The following PXN variants were observed in gnomAD, a reference collection of about 807,000 sequenced individuals.
The protein encoded by PXN is paxillin.
In PXN, 61 loss-of-function variants were observed where a neutral mutation model predicts 103.6. That is an observed-to-expected ratio of 0.59 (90% CI 0.48 to 0.73). PXN has a LOEUF of 0.73. Among genes scored for constraint, PXN ranks in the 30% least tolerant of loss-of-function variants. The pLI, the probability that PXN is intolerant of heterozygous loss-of-function variation, is 0.00. For missense variants in PXN, 1,274 were observed against 1,460.3 expected (o/e 0.87, Z 2.08); for synonymous variants, 562 against 607.8 (o/e 0.92, Z 1.11).
In PXN at chr12:120,215,903, T is replaced by G. The variant is rs1594350780; in HGVS notation, c.2302-242A>C. ...AGGCAGAGGAAATGGCAAGGGGAGG[T>G]GGCCGGGCTCAGTGATGAGGCCTCA... On this transcript the variant is annotated intron_variant, in intron 9 of 14. Coordinates refer to ENST00000637617, the MANE Select transcript of PXN (RefSeq NM_001385981.1). The surrounding 1 kb of genome is among the most constrained non-coding windows in gnomAD (Gnocchi z 4.9). The G allele has an allele frequency of 7.3e-7, 1 of 1,379,274 alleles. No homozygotes were observed. The highest frequency in any genetic ancestry group is 2.4e-4 in the Middle Eastern group (1 of 4,200). The allele number at this position is 1,379,274 out of a possible 1,614,324, so 85.4% of individuals were successfully genotyped here. A position where few individuals can be genotyped will look rare whatever the true frequency, so the allele number is the denominator to read the frequency against.
At chr12:120,230,182 C>CG (rs1887718808) in intron 1 of PXN, among the ~76,000 whole-genome samples, 1 of 152,234 alleles carries the variant, frequency 6.6e-6, no homozygotes, top group African/African-American at 2.4e-5. Flanking sequence ...GAAGGAGCAG[C>CG]AAGCACCGCC....
Position 120,219,512 on chromosome 12 carries a change from G to A in PXN, c.1411C>T (p.Arg471Trp), listed in dbSNP as rs746449786. ...CAGGTATCTGGGAAGATGGCCTGCC[G>A]GTCCACTGCCACTACAGCTGGCTCT... ...VTEPAVVAVD[R>W]QAIFPDTWTL... Residue 471 changes from arginine to tryptophan, a missense_variant, in exon 7 of 15, where the codon CGG becomes TGG. Physicochemically the swap from Arg to Trp is moderately radical, Grantham distance 101 (BLOSUM62 -3). Transcript: ENST00000637617. This position sits in a 1 kb window ranked among gnomAD's most constrained non-coding sequence, Gnocchi z 6.5. 3.6e-5 allele frequency: 58 copies of A among 1,594,582 alleles called. 1 individual carries two copies. In the East Asian group the frequency reaches 4.5e-4, roughly 12 times the overall value.
rs992946132 is a variant in PXN at position 120,213,931 on chromosome 12, G to A, written c.2890C>T (p.Pro964Ser). The change falls in exon 14 of 15, where the codon CCC becomes TCC. Residue 964 changes from proline to serine, a missense_variant. Pro to Ser is a moderately conservative substitution (Grantham distance 74). Coordinates refer to ENST00000637617, the MANE Select transcript of PXN (RefSeq NM_001385981.1). This position sits in a 1 kb window ranked among gnomAD's most constrained non-coding sequence, Gnocchi z 4.2. ...GCCCGGGCGCAGCCGCCACACTTGG[G>A]TGCGAACATGTCGAAGTAGTCCTTG... Reference protein sequence around the residue: ...CRKDYFDMFAPKCGGCARAIL... With the variant: ...CRKDYFDMFASKCGGCARAIL... 1 of 1,612,418 alleles carries A rather than the reference G, an allele frequency of 6.2e-7. No homozygotes were observed. Among genetic ancestry groups the A allele is most frequent in the Non-Finnish European group, 8.5e-7 (1 of 1,179,380 alleles).
rs1470903280 is a variant in PXN at position 120,216,683 on chromosome 12, G to A, written c.1993-102C>T. 3 of 1,589,586 alleles carry A rather than the reference G, an allele frequency of 1.9e-6. No individual in the cohort carries two copies. In the Admixed American group the frequency reaches 5.2e-5, roughly 28 times the overall value. On this transcript the variant is annotated intron_variant, in intron 8 of 14. Transcript: ENST00000637617. The surrounding 1 kb of genome is among the most constrained non-coding windows in gnomAD (Gnocchi z 5.1). ...GGCTCCCCCTGGGCCTTCCCACTCT[G>A]CACCAAGAGTGGGGCCAGTCTTCCA...
rs778668427 is a variant in PXN at position 120,219,372 on chromosome 12, G to A, written c.1551C>T (p.Thr517=). The A allele has an allele frequency of 1.1e-5, 18 of 1,598,304 alleles. No homozygotes were observed. Among genetic ancestry groups the A allele is most frequent in the African/African-American group, 5.3e-5 (4 of 74,930 alleles). ...VTTEQLGAKM[T]ERGSVARPTQ... ...TTGGCCTGGCCACACTTCCCCTCTC[G>A]GTCATCTTTGCACCTAGCTGCTCCG... The change falls in exon 7 of 15, where the codon ACC becomes ACT. Residue 517 remains threonine (T), a synonymous_variant. Coordinates refer to ENST00000637617, the MANE Select transcript of PXN (RefSeq NM_001385981.1). This position sits in a 1 kb window ranked among gnomAD's most constrained non-coding sequence, Gnocchi z 6.5.
In PXN at chr12:120,213,877, T is replaced by G; in HGVS notation, c.2944A>C (p.Asn982His). 6.2e-7 allele frequency: 1 copy of G among 1,611,546 alleles called. No individual in the cohort carries two copies. Among genetic ancestry groups the G allele is most frequent in the Non-Finnish European group, 8.5e-7 (1 of 1,178,972 alleles). Residue 982 changes from asparagine to histidine, a missense_variant, in exon 14 of 15, where the codon AAC (asparagine) becomes CAC (histidine). By Grantham distance (68) the Asn-to-His change is moderately conservative. Around this residue, in one of 2 missense-constraint regions of PXN, gnomAD observed 96 missense variants for 151.3 expected, o/e 0.63. Coordinates refer to ENST00000637617, the MANE Select transcript of PXN (RefSeq NM_001385981.1). The surrounding 1 kb of genome is among the most constrained non-coding windows in gnomAD (Gnocchi z 4.2). ...AILENYISAL[N>H]TLWHPECFVC... is the part of the protein sequence containing the mutation. ...AAGCACTCAGGATGCCACAGCGTGT[T>G]GAGGGCTGAGATATAGTTCTCCAGG... is the stretch of plus-strand genomic sequence containing the variant.
rs1171597780 is a variant in PXN, at chr12:120,212,713, G to A, written c.2980-133C>T. On this transcript the variant is annotated intron_variant, in intron 14 of 14. Transcript: ENST00000637617. The surrounding 1 kb of genome is among the most constrained non-coding windows in gnomAD (Gnocchi z 7.2). ...TTGCTAGGCGTTTCCCATGTGCCGT[G>A]TTGTCCTAAACGCTCATTTTTCATT... 5.5e-6 allele frequency: 6 copies of A among 1,087,370 alleles called. No homozygotes were observed. In the African/African-American group the frequency reaches 9.5e-5, roughly 17 times the overall value. 67.4% of individuals were successfully genotyped at this position (1,087,370 alleles called of 1,614,324 possible).
Position 120,217,584 on chromosome 12 carries a change from C to CT in PXN, c.1717-469dup, listed in dbSNP as rs1204687846. 2.7e-5 allele frequency among the ~76,000 whole-genome samples: 4 copies of CT among 150,754 alleles called. No individual in the cohort carries two copies. The highest frequency in any genetic ancestry group is 5.9e-5 in the Non-Finnish European group (4 of 67,796). On this transcript the variant is annotated intron_variant, in intron 7 of 14. Coordinates refer to ENST00000637617, the MANE Select transcript of PXN (RefSeq NM_001385981.1). This position sits in a 1 kb window ranked among gnomAD's most constrained non-coding sequence, Gnocchi z 4.1. ...TAGAAAAAGTGTTTCCTTCCAGGAACTTTTTTTTGGGGGGGGACAGAGTCT... is the reference window on the plus strand; with the variant it reads ...TAGAAAAAGTGTTTCCTTCCAGGAACTTTTTTTTTGGGGGGGGACAGAGTCT...
In PXN at chr12:120,212,220, G is replaced by C; in HGVS notation, c.*94C>G. On this transcript the variant is annotated 3_prime_UTR_variant, in exon 15 of 15. Transcript: ENST00000637617. The surrounding 1 kb of genome is among the most constrained non-coding windows in gnomAD (Gnocchi z 7.2). ...AGGACAAGGGTTCCAGTTTCAGTCG[G>C]GTTTACCCCTTCACCCCCGGGTGAA... is the stretch of plus-strand genomic sequence containing the variant. The C allele has an allele frequency of 6.6e-7, 1 of 1,505,086 alleles. No homozygotes were observed. Among genetic ancestry groups the C allele is most frequent in the Non-Finnish European group, 8.9e-7 (1 of 1,117,544 alleles). The allele number at this position is 1,505,086 out of a possible 1,614,324, so 93.2% of individuals were successfully genotyped here.
At chr12:120,230,008 C>G (rs948599709) in intron 1 of PXN, among the ~76,000 whole-genome samples, 2 of 152,202 alleles carry the variant, frequency 1.3e-5, no homozygotes, top group Admixed American at 1.3e-4. Context: ...CCCACCTTAG[C>G]ACGCCTTGCA....
intron 1 of PXN, among the ~76,000 whole-genome samples, chr12:120,254,697 C>A (rs902104340): frequency 1.3e-5 from 2 of 151,966 alleles, no homozygotes; most frequent in African/African-American, 4.8e-5. Flanking sequence ...ATTACAGGCA[C>A]GTGCCACCAC....
At position 120,260,965 on chromosome 12, in the gene PXN, G is replaced by T. The variant is rs114006691; in HGVS notation, c.13+4652C>A. 8.4e-3 allele frequency among the ~76,000 whole-genome samples: 1,285 copies of T among 152,294 alleles called. 19 individuals are homozygous for T. The highest frequency in any genetic ancestry group is 0.027 in the African/African-American group (1,116 of 41,548). ...AGTTGGCTGCAAGTCCCGCTCAGCA[G>T]CCAGACCACCTGGATTCAAATCCTA... is the stretch of plus-strand genomic sequence containing the variant. On this transcript the variant is annotated intron_variant, in intron 1 of 14. Coordinates refer to ENST00000637617, the MANE Select transcript of PXN (RefSeq NM_001385981.1).
chr12:120,219,559 G>T lies in PXN; in HGVS notation c.1364C>A (p.Ala455Asp). The stretch of plus-strand genomic sequence containing the variant: ...CTCTGTTACTTCTTGGAAGCTTCGA[G>T]CAGCTCCAGAGGGGGGCATTCTCTC... ...GPERMPPSGAARSFQEVTEPA... is the reference protein window; with the variant it reads ...GPERMPPSGADRSFQEVTEPA... The change falls in exon 7 of 15, where the codon GCT becomes GAT. Residue 455 changes from alanine (A) to aspartate (D), a missense_variant. Physicochemically the swap from Ala to Asp is moderately radical, Grantham distance 126. Coordinates refer to ENST00000637617, the MANE Select transcript of PXN (RefSeq NM_001385981.1). The surrounding 1 kb of genome is among the most constrained non-coding windows in gnomAD (Gnocchi z 6.5). 1 of 1,577,914 alleles carries T rather than the reference G, an allele frequency of 6.3e-7. No homozygotes were observed. The highest frequency in any genetic ancestry group is 1.8e-5 in the Admixed American group (1 of 55,684).
intron 1 of PXN, among the ~76,000 whole-genome samples, chr12:120,251,485 C>A (rs1243669821): frequency 6.6e-6 from 1 of 151,420 alleles, no homozygotes; most frequent in Non-Finnish European, 1.5e-5. Flanking sequence ...CCCCTGCACT[C>A]CAGCCTGGAT....
rs764507895 is a variant in PXN, at chr12:120,229,175, G to A, written c.14-4798C>T. 6.6e-6 allele frequency among the ~76,000 whole-genome samples: 1 copy of A among 152,184 alleles called. No homozygotes were observed. Among genetic ancestry groups the A allele is most frequent in the Non-Finnish European group, 1.5e-5 (1 of 68,012 alleles). On this transcript the variant is annotated intron_variant, in intron 1 of 14. Coordinates refer to ENST00000637617, the MANE Select transcript of PXN (RefSeq NM_001385981.1). The surrounding 1 kb of genome is among the most constrained non-coding windows in gnomAD (Gnocchi z 4.0). ...ACCTACAATGGGGGGATGTCCCCCA[G>A]ACTGTGGCTCTGGGGACCCCGGTTG... is the stretch of plus-strand genomic sequence containing the variant.
At chr12:120,259,346 C>T (rs545563384) in intron 1 of PXN, among the ~76,000 whole-genome samples, 113 of 151,528 alleles carry the variant, frequency 7.5e-4, no homozygotes, top group African/African-American at 2.7e-3. Flanking sequence ...GAGCCAAGAT[C>T]GCGCTGCTGC....
intron 1 of PXN, among the ~76,000 whole-genome samples, chr12:120,249,690 C>T (rs758434364): frequency 6.6e-5 from 10 of 152,178 alleles, no homozygotes; most frequent in Non-Finnish European, 1.2e-4. Context: ...CTCCAGGTAA[C>T]GATCTTCTTC....
chr12:120,256,746 C>A (rs1202367850), intron 1 of PXN, among the ~76,000 whole-genome samples: 1 of 152,096 alleles, frequency 6.6e-6, no homozygotes, highest in Non-Finnish European at 1.5e-5. Flanking sequence ...GAGACGGAAT[C>A]TCGCTCTGTC....
In PXN at chr12:120,224,174, T is replaced by C. The variant is rs4767884; in HGVS notation, c.217A>G (p.Ser73Gly). The C allele has an allele frequency of 0.8, 1,268,876 of 1,593,326 alleles. 508,349 individuals are homozygous for C. Among genetic ancestry groups the C allele is most frequent in the East Asian group, 0.99 (43,514 of 44,100 alleles). ...ACCTGCTGGTGGATGAATCGGGAGC[T>C]GCTGGGCTGCCACTGGTCTAAGGGG... ...LDPLDQWQPS[S>G]SRFIHQQPQS... The change falls in exon 2 of 15, where the codon AGC becomes GGC. Residue 73 changes from serine (S) to glycine (G), a missense_variant. Physicochemically the swap from Ser to Gly is moderately conservative, Grantham distance 56. Coordinates refer to ENST00000637617, the MANE Select transcript of PXN (RefSeq NM_001385981.1). This position sits in a 1 kb window ranked among gnomAD's most constrained non-coding sequence, Gnocchi z 5.0.
Sources: gnomAD v4.1 joint callset for allele counts (sites outside exome capture counted in the v4.1 genomes callset) on GRCh38, gnomAD v4.1.1 for gene constraint, gnomAD v4.1.1 regional missense constraint, Gnocchi (gnomAD v3.1) non-coding constraint, MANE v1.5 for transcripts, NCBI Gene and HGNC (gene_info 2026-07-23, HGNC 2026-07-21) for gene names.